Variants in THSD7A observed in about 807,000 individuals in gnomAD.
THSD7A encodes the protein thrombospondin type-1 domain-containing protein 7A.
Under a neutral mutation model 231.3 loss-of-function variants are expected in THSD7A, and 96 were observed. The observed-to-expected ratio is 0.41, with a 90% CI of 0.35 to 0.49. The LOEUF is 0.49. Ranked by LOEUF, THSD7A falls within the 20% of genes least tolerant of loss-of-function variation. The pLI, the probability that THSD7A is intolerant of heterozygous loss-of-function variation, is 0.05. For missense variants in THSD7A, 2,290 were observed against 2,070.2 expected (o/e 1.11, Z -2.06); for synonymous variants, 940 against 743.3 (o/e 1.26, Z -4.30).
chr7:11,743,011 C>A lies in THSD7A; in HGVS notation c.190+88746G>T, dbSNP rs77408417. ...GGCTCCTCTCCCTTATTGAAGAAAT[C>A]TGCTACTACATCAAGGTTCATTCAG... is the stretch of plus-strand genomic sequence containing the variant. On this transcript the variant is annotated intron_variant, in intron 1 of 27. Transcript: ENST00000423059. Among the ~76,000 whole-genome samples the A allele has an allele frequency of 1.1e-3, 173 of 151,978 alleles. 2 individuals carry two copies. In the East Asian group the frequency reaches 0.03, roughly 26 times the overall value.
intron 6 of THSD7A, among the ~76,000 whole-genome samples, chr7:11,540,251 G>A (rs1383903668): frequency 1.3e-5 from 2 of 152,176 alleles, no homozygotes; most frequent in African/African-American, 4.8e-5. Flanking sequence ...TCAAGCACTG[G>A]TTCAGATTTT....
chr7:11,601,347 AC>A (rs1182132183), intron 2 of THSD7A, among the ~76,000 whole-genome samples: 1 of 152,182 alleles, frequency 6.6e-6, no homozygotes, highest in East Asian at 1.9e-4. Flanking sequence ...ACAACTTGTT[AC>A]TAGATTATAT....
At chr7:11,825,215 C>T (rs752494398) in intron 1 of THSD7A, among the ~76,000 whole-genome samples, 15 of 152,028 alleles carry the variant, frequency 9.9e-5, no homozygotes, top group Non-Finnish European at 1.5e-4. Context: ...ATTTAGGTCA[C>T]GGTAGTACGT....
At chr7:11,376,765 C>A in intron 26 of THSD7A, 108 bp from the exon 27 acceptor site, 2 of 656,264 alleles carry the variant, frequency 3.0e-6, no homozygotes, top group South Asian at 2.9e-5. Flanking sequence ...CTTTCAAAAC[C>A]CGAAAAGAAT....
chr7:11,748,411 G>C (rs1239872739), intron 1 of THSD7A, among the ~76,000 whole-genome samples: 1 of 151,896 alleles, frequency 6.6e-6, no homozygotes, highest in East Asian at 1.9e-4. Context: ...ATCAAAGTTT[G>C]TTCTTGAAAA....
chr7:11,544,246 G>A (rs1293510346), intron 4 of THSD7A, among the ~76,000 whole-genome samples: 1 of 152,036 alleles, frequency 6.6e-6, no homozygotes, highest in African/African-American at 2.4e-5. Context: ...GGAGGCTGAG[G>A]CAAGAGAATC....
Position 11,446,285 on chromosome 7 carries a change from A to G in THSD7A, c.2840T>C (p.Leu947Ser). ...ATACTGAGTCTCAATCAGGGGATAC[A>G]AATGGGAATTTTTACATTTTTCCTT... ...KKKEKCKNSH[L>S]YPLIETQYCP... The change falls in exon 13 of 28, where the codon TTG (leucine) becomes TCG (serine). Residue 947 changes from leucine (L) to serine (S), a missense_variant. Physicochemically the swap from Leu to Ser is moderately radical, Grantham distance 145. Transcript: ENST00000423059. This position sits in a 1 kb window ranked among gnomAD's most constrained non-coding sequence, Gnocchi z 4.0. The G allele has an allele frequency of 6.2e-7, 1 of 1,612,580 alleles. No homozygotes were observed. Among genetic ancestry groups the G allele is most frequent in the Non-Finnish European group, 8.5e-7 (1 of 1,179,184 alleles).
intron 1 of THSD7A, among the ~76,000 whole-genome samples, chr7:11,803,306 G>A (rs1043288168): frequency 1.3e-5 from 2 of 152,124 alleles, no homozygotes; most frequent in African/African-American, 4.8e-5. Flanking sequence ...GTGAGGCTTA[G>A]AAAAATTAAC....
At chr7:11,538,501 C>T (rs1361019924) in intron 6 of THSD7A, among the ~76,000 whole-genome samples, 2 of 152,080 alleles carry the variant, frequency 1.3e-5, no homozygotes, top group South Asian at 2.1e-4. Flanking sequence ...ACTTGCTTTG[C>T]CAGATTTACA....
chr7:11,805,786 A>G (rs1425997537), intron 1 of THSD7A, among the ~76,000 whole-genome samples: 2 of 152,150 alleles, frequency 1.3e-5, no homozygotes, highest in African/African-American at 4.8e-5. Context: ...GTGTTTTTAT[A>G]GTTACTTACA....
intron 2 of THSD7A, among the ~76,000 whole-genome samples, chr7:11,608,352 A>G (rs188742575): frequency 6.6e-6 from 1 of 152,298 alleles, no homozygotes; most frequent in East Asian, 1.9e-4. Context: ...TTAAAAGGAG[A>G]ATTACCAAGT....
intron 4 of THSD7A, among the ~76,000 whole-genome samples, chr7:11,586,653 G>C (rs1263546966): frequency 6.6e-6 from 1 of 152,102 alleles, no homozygotes; most frequent in Non-Finnish European, 1.5e-5. Flanking sequence ...TCTAAAGTGG[G>C]TTTATGTGTG....
Position 11,553,805 on chromosome 7 carries a change from C to T in THSD7A, c.1454-10688G>A, listed in dbSNP as rs147063196. Among the ~76,000 whole-genome samples the T allele has an allele frequency of 7.0e-3, 1,063 of 151,658 alleles. 11 individuals are homozygous for T. The highest frequency in any genetic ancestry group is 0.022 in the African/African-American group (897 of 41,390). On this transcript the variant is annotated intron_variant, in intron 4 of 27. Transcript: ENST00000423059. ...TTCTTGTTTTGAATGTTTATGGTTCCGAAATATTCTTGTGTTTTGAATGTT... is the reference window on the plus strand; with the variant it reads ...TTCTTGTTTTGAATGTTTATGGTTCTGAAATATTCTTGTGTTTTGAATGTT...
chr7:11,401,728 AACAG>A (rs971689568), intron 23 of THSD7A, 63 bp downstream of exon 23: 13 of 1,458,372 alleles, frequency 8.9e-6, no homozygotes, highest in East Asian at 2.5e-5. Flanking sequence ...GTTTATTTTT[AACAG>A]ACTATTTTTT....
At chr7:11,635,654 T>C (rs2128359841) in intron 2 of THSD7A, among the ~76,000 whole-genome samples, 1 of 152,246 alleles carries the variant, frequency 6.6e-6, no homozygotes, top group Middle Eastern at 3.4e-3. Context: ...GCAAGAAAAT[T>C]ATTCTTAGGT....
chr7:11,541,111 T>A (rs1789128528), intron 6 of THSD7A, among the ~76,000 whole-genome samples: 1 of 152,250 alleles, frequency 6.6e-6, no homozygotes, highest in African/African-American at 2.4e-5. Context: ...AAGTTACCTT[T>A]ACTTGTTATT....
intron 23 of THSD7A, among the ~76,000 whole-genome samples, chr7:11,398,317 A>ATAAT (rs1443671140): frequency 1.3e-5 from 2 of 152,144 alleles, no homozygotes; most frequent in Non-Finnish European, 2.9e-5. Context: ...GTTCTCATTC[A>ATAAT]TAATTGGGAG....
intron 1 of THSD7A, among the ~76,000 whole-genome samples, chr7:11,678,216 G>A (rs534336716): frequency 1.3e-5 from 2 of 152,146 alleles, no homozygotes; most frequent in Non-Finnish European, 2.9e-5. Flanking sequence ...AAAATTTATA[G>A]CACTAAATGC....
chr7:11,449,774 A>G (rs1257987907), intron 11 of THSD7A, among the ~76,000 whole-genome samples: 15 of 152,022 alleles, frequency 9.9e-5, no homozygotes, highest in Admixed American at 9.9e-4. Flanking sequence ...CAGACACTCT[A>G]AACTTAGTAA....
Sources: allele counts gnomAD v4.1 joint callset (sites outside exome capture counted in the v4.1 genomes callset), GRCh38; gene constraint gnomAD v4.1.1; non-coding constraint Gnocchi (gnomAD v3.1); transcripts MANE v1.5; gene names NCBI Gene and HGNC (gene_info 2026-07-23, HGNC 2026-07-21).